Variants in TRIP12 observed in about 807,000 individuals in gnomAD.
TRIP12 encodes the protein thyroid hormone receptor interactor 12, also known as E3 ubiquitin-protein ligase TRIP12.
In TRIP12, 25 loss-of-function variants were observed where a neutral mutation model predicts 244.2. That is an observed-to-expected ratio of 0.10 (90% CI 0.07 to 0.14). The LOEUF is 0.14. Among genes scored for constraint, TRIP12 ranks in the 10% least tolerant of loss-of-function variants. The pLI is 1.00. For missense variants in TRIP12, 1,677 were observed against 2,486.4 expected, an observed-to-expected ratio of 0.67 and a Z score of 6.92; for synonymous variants, 905 against 873.1, an observed-to-expected ratio of 1.04 and a Z score of -0.64.
At chr2:229,831,625 T>C (rs1182925032) in intron 6 of TRIP12, among the ~76,000 whole-genome samples, 1 of 152,154 alleles carries the variant, frequency 6.6e-6, no homozygotes, top group African/African-American at 2.4e-5. Flanking sequence ...GGCCAGACTC[T>C]GTCTCAAAAC....
Position 229,880,069 on chromosome 2 carries a change from C to T in TRIP12, c.11G>A (p.Arg4Gln), listed in dbSNP as rs781467200. 13 of 1,613,950 alleles carry T rather than the reference C, an allele frequency of 8.1e-6. No homozygotes were observed. The highest frequency in any genetic ancestry group is 7.7e-5 in the South Asian group (7 of 91,072). ...TGACCCCCCTGGATTGTTATTAGGCCGGTTGGACATTGGCACCTCTCTCTT... is the reference window on the plus strand; with the variant it reads ...TGACCCCCCTGGATTGTTATTAGGCTGGTTGGACATTGGCACCTCTCTCTT... MSN[R>Q]PNNNPGGSLR... The change falls in exon 2 of 42, where the codon CGG (arginine) becomes CAG (glutamine). Residue 4 changes from arginine (R) to glutamine (Q), a missense_variant. By Grantham distance (43) the Arg-to-Gln change is conservative (BLOSUM62 1). Around this residue, in one of 11 missense-constraint regions of TRIP12, gnomAD observed 387 missense variants for 392.6 expected, o/e 0.99. Transcript: ENST00000675903.
chr2:229,901,676 C>T (rs1427322314), intron 1 of TRIP12, among the ~76,000 whole-genome samples: 1 of 151,084 alleles, frequency 6.6e-6, no homozygotes, highest in Admixed American at 6.6e-5. Context: ...TACTTCAGAA[C>T]AGTTTTTTAG....
chr2:229,772,886 G>A (rs2034937899), intron 38 of TRIP12, among the ~76,000 whole-genome samples: 1 of 152,102 alleles, frequency 6.6e-6, no homozygotes, highest in South Asian at 2.1e-4. Context: ...GTCAGTTCAA[G>A]GGGTAGATAG....
intron 1 of TRIP12, among the ~76,000 whole-genome samples, chr2:229,893,965 A>G (rs1044710664): frequency 6.6e-6 from 1 of 152,168 alleles, no homozygotes; most frequent in African/African-American, 2.4e-5. Context: ...CGCCCACCTC[A>G]GCCTCTCAAA....
intron 3 of TRIP12, among the ~76,000 whole-genome samples, chr2:229,859,915 CAA>C (rs1274071493): frequency 2.0e-5 from 3 of 152,174 alleles, no homozygotes; most frequent in African/African-American, 7.2e-5. Context: ...GCCCTATTCA[CAA>C]GCACAACTGC....
At chr2:229,785,998 G>A in intron 33 of TRIP12, 143 bp from the exon 34 acceptor site, 1 of 624,130 alleles carries the variant, frequency 1.6e-6, no homozygotes, top group Non-Finnish European at 2.5e-6. Flanking sequence ...CTCAGAAAAG[G>A]TTAAGAGGTA....
intron 6 of TRIP12, among the ~76,000 whole-genome samples, chr2:229,833,899 G>A (rs1004228568): frequency 6.6e-6 from 1 of 151,964 alleles, no homozygotes; most frequent in African/African-American, 2.4e-5. Context: ...AACCAGCCAA[G>A]CCTCTGGCTA....
chr2:229,889,072 G>T (rs1452773999), intron 1 of TRIP12, among the ~76,000 whole-genome samples: 1 of 152,126 alleles, frequency 6.6e-6, no homozygotes, highest in African/African-American at 2.4e-5. Context: ...AGAAAAGGTT[G>T]GGAATAAAGG....
rs954156163 is a variant in TRIP12, at chr2:229,789,469, G to A, written c.4695+142C>T. 3 of 858,346 alleles carry A rather than the reference G, an allele frequency of 3.5e-6. No homozygotes were observed. In the African/African-American group the frequency reaches 5.2e-5, roughly 15 times the overall value. 53.2% of individuals were successfully genotyped at this position (858,346 alleles called of 1,614,324 possible). A position where few individuals can be genotyped will look rare whatever the true frequency, so the allele number is the denominator to read the frequency against. ...GGCCAGGAGAAAAAAAAGTGGGGGA[G>A]AAGTTTCCACTGATGAGTACATTGT... is the stretch of plus-strand genomic sequence containing the variant. On this transcript the variant is annotated intron_variant, in intron 31 of 41. Coordinates refer to ENST00000675903, the MANE Select transcript of TRIP12 (RefSeq NM_001348323.3).
At chr2:229,876,940 C>A (rs993168711) in intron 2 of TRIP12, among the ~76,000 whole-genome samples, 3 of 152,136 alleles carry the variant, frequency 2.0e-5, no homozygotes, top group African/African-American at 7.2e-5. Context: ...AAGTGATCAT[C>A]CCACCTCAGC....
chr2:229,902,344 T>C (rs1355423402), intron 1 of TRIP12, among the ~76,000 whole-genome samples: 1 of 152,096 alleles, frequency 6.6e-6, no homozygotes, highest in Non-Finnish European at 1.5e-5. Context: ...CGCGCCACTC[T>C]ACTCCAGTCT....
At chr2:229,914,065 GGA>G (rs1313665755) in intron 1 of TRIP12, among the ~76,000 whole-genome samples, 2 of 151,964 alleles carry the variant, frequency 1.3e-5, no homozygotes, top group African/African-American at 4.8e-5. Context: ...GTCAGGAGTT[GGA>G]GACCAGTCTA....
At chr2:229,900,351 C>G (rs998494798) in intron 1 of TRIP12, among the ~76,000 whole-genome samples, 1 of 152,268 alleles carries the variant, frequency 6.6e-6, no homozygotes, top group East Asian at 1.9e-4. Flanking sequence ...AACCAACAAA[C>G]GTATTTTCTA....
At chr2:229,795,154 G>A in intron 26 of TRIP12, 25 bp downstream of exon 26, 3 of 1,608,498 alleles carry the variant, frequency 1.9e-6, no homozygotes, top group Non-Finnish European at 2.5e-6. Flanking sequence ...CAGTGGCAAG[G>A]GTATAGCCAG....
chr2:229,816,302 T>C (rs2048479520), intron 9 of TRIP12, among the ~76,000 whole-genome samples: 1 of 146,436 alleles, frequency 6.8e-6, no homozygotes, highest in Non-Finnish European at 1.5e-5. Flanking sequence ...GCATAACACA[T>C]ACACACACTC....
chr2:229,854,152 A>G (rs2059213715), intron 4 of TRIP12, among the ~76,000 whole-genome samples: 1 of 152,198 alleles, frequency 6.6e-6, no homozygotes, highest in African/African-American at 2.4e-5. Flanking sequence ...CATCCAAATA[A>G]TGTATATTAC....
chr2:229,835,029 C>T (rs751492145), intron 6 of TRIP12, among the ~76,000 whole-genome samples: 2 of 152,184 alleles, frequency 1.3e-5, no homozygotes, highest in Non-Finnish European at 2.9e-5. Flanking sequence ...TAGGTATTTT[C>T]TTCTACATTC....
At chr2:229,794,298 G>A (rs1415104120) in intron 26 of TRIP12, among the ~76,000 whole-genome samples, 2 of 152,194 alleles carry the variant, frequency 1.3e-5, no homozygotes, top group African/African-American at 4.8e-5. Flanking sequence ...TAGGCTGAGT[G>A]TGGTGGCTCA....
Position 229,906,065 on chromosome 2 carries a change from G to A in TRIP12, c.-50+15815C>T, listed in dbSNP as rs527550650. On this transcript the variant is annotated intron_variant, in intron 1 of 41. Coordinates refer to ENST00000675903, the MANE Select transcript of TRIP12 (RefSeq NM_001348323.3). ...CACGCCTGTAATCCCAACACTTTGG[G>A]AGGCCGAGGTGGGCAGATTACCTGA... 7.2e-4 allele frequency among the ~76,000 whole-genome samples: 109 copies of A among 152,290 alleles called. 1 individual carries two copies. Among genetic ancestry groups the A allele is most frequent in the Admixed American group, 1.1e-3 (17 of 15,292 alleles).
Sources: allele counts gnomAD v4.1 joint callset (sites outside exome capture counted in the v4.1 genomes callset), GRCh38; gene constraint gnomAD v4.1.1; regional missense constraint gnomAD v4.1.1; transcripts MANE v1.5; gene names NCBI Gene and HGNC (gene_info 2026-07-23, HGNC 2026-07-21).